The following FUS variants were observed in gnomAD, a reference collection of about 807,000 sequenced individuals.
FUS encodes FUS RNA binding protein.
In FUS, 5 loss-of-function variants were observed where a neutral mutation model predicts 82.7. The ratio of observed to expected loss-of-function variants is 0.06; its 90% CI spans 0.03 to 0.13. The LOEUF is 0.13. Among genes scored for constraint, FUS ranks in the 10% least tolerant of loss-of-function variants. The probability of loss-of-function intolerance (pLI) is 1.00; values close to 1 mark genes in which losing one functional copy is unlikely to be tolerated. For missense variants in FUS, 512 were observed against 707.8 expected (o/e 0.72, Z 3.14); for synonymous variants, 281 against 247.4 (o/e 1.14, Z -1.27).
Position 31,182,400 on chromosome 16 carries a change from T to C in FUS, c.16T>C (p.Tyr6His), listed in dbSNP as rs967554455. The C allele has an allele frequency of 6.2e-7, 1 of 1,614,118 alleles. No individual in the cohort carries two copies. Among genetic ancestry groups the C allele is most frequent in the Admixed American group, 1.7e-5 (1 of 60,014 alleles). MASND[Y>H]TQQATQSYGA... The stretch of plus-strand genomic sequence containing the variant: ...GTGATTGTATTTTTCTTTTGCAGAT[T>C]ATACCCAACAAGCAACCCAAAGGTG... The change falls in exon 2 of 15, where the codon TAT becomes CAT. Residue 6 changes from tyrosine (Y) to histidine (H), a missense_variant and splice_region_variant. Transcript: ENST00000254108.
chr16:31,186,766 A>T (rs754290036), intron 6 of FUS, 36 bp from the exon 7 acceptor site: 5 of 1,609,432 alleles, frequency 3.1e-6, no homozygotes, highest in Non-Finnish European at 4.3e-6. Context: ...AGCCGTTGGA[A>T]GCTTCATGTC....
At chr16:31,194,405 C>G (rs1295852228), downstream of FUS, 14 of 512,698 alleles carry the variant, frequency 2.7e-5, no homozygotes, top group Admixed American at 4.5e-5. Context: ...CTGCCCACCT[C>G]AGCCTCTGGA....
intron 1 of FUS, among the ~76,000 whole-genome samples, chr16:31,182,014 T>TA (rs1237174965): frequency 3.9e-5 from 6 of 152,300 alleles, no homozygotes; most frequent in Middle Eastern, 3.4e-3. Flanking sequence ...TTTTTATTTT[T>TA]TTTTTTGAGA....
At chr16:31,181,292 TTTTC>T (rs1467595277) in intron 1 of FUS, among the ~76,000 whole-genome samples, 29 of 152,358 alleles carry the variant, frequency 1.9e-4, no homozygotes, top group African/African-American at 7.0e-4. Flanking sequence ...CCTCTTTCCC[TTTTC>T]CTGCGGGGGA....
chr16:31,186,819 G>T lies in FUS; in HGVS notation c.782G>T (p.Gly261Val). 1 of 1,614,158 alleles carries T rather than the reference G, an allele frequency of 6.2e-7. No homozygotes were observed. Among genetic ancestry groups the T allele is most frequent in the Non-Finnish European group, 8.5e-7 (1 of 1,179,976 alleles). ...TTCTCCAGCGGAAGTGACCGTGGTG[G>T]CTTCAATAAATTTGGTGGTAAGTGA... is the stretch of plus-strand genomic sequence containing the variant. ...RGGMGGSDRG[G>V]FNKFGGPRDQ... The change falls in exon 7 of 15, where the codon GGC (glycine) becomes GTC (valine). Residue 261 changes from glycine (G) to valine (V), a missense_variant. This residue lies in a region of FUS where 51 missense variants were observed against 72.2 expected (regional missense o/e 0.71). Transcript: ENST00000254108.
rs904375385 is a variant in FUS at position 31,183,795 on chromosome 16, C to T, written c.191-63C>T. ...AGTATAGGTATTATGTTTTCTTTAA[C>T]CCATTCCTTACATTTTCTCTTTCCT... On this transcript the variant is annotated intron_variant, in intron 3 of 14. Transcript: ENST00000254108. 6 of 1,599,280 alleles carry T rather than the reference C, an allele frequency of 3.8e-6. No homozygotes were observed. The African/African-American group carries it at 5.4e-5, about 14-fold the overall frequency.
intron 3 of FUS, chr16:31,182,967 CCAAAGTGCTGGGATTA>C (rs2079203645): frequency 2.5e-6 from 1 of 407,066 alleles, no homozygotes; most frequent in Non-Finnish European, 4.7e-6. Flanking sequence ...CCTTGACCTG[CCAAAGTGCTGGGATTA>C]CAGGCGTCAG....
At chr16:31,187,964 CG>C (rs2079294794) in intron 7 of FUS, 4 of 353,276 alleles carry the variant, frequency 1.1e-5, no homozygotes, top group Non-Finnish European at 2.1e-5. Flanking sequence ...TCTCTTCTCT[CG>C]GGTGAGAGAA....
chr16:31,189,876 CT>C (rs1490207108), intron 10 of FUS, 82 bp downstream of exon 10: 12 of 1,608,182 alleles, frequency 7.5e-6, no homozygotes, highest in Non-Finnish European at 1.0e-5. Flanking sequence ...TTTGAGGGTT[CT>C]TTTGAGTCTT....
chr16:31,187,422 T>G (rs1451120821), intron 7 of FUS: 1 of 234,070 alleles, frequency 4.3e-6, no homozygotes, highest in Admixed American at 5.2e-5. Flanking sequence ...CAAGAAAGAT[T>G]GGAAGCATGT....
chr16:31,180,142 C>CACCGA lies in FUS; in HGVS notation c.-72_-71insCCGAA. ...CTTCGACGCAGGAGGCGGGGCTGCT[C>CACCGA]AGTCCTCCAGGCGTCGGTACTCAGC... is the stretch of plus-strand genomic sequence containing the variant. On this transcript the variant is annotated 5_prime_UTR_variant, in exon 1 of 15. Coordinates refer to ENST00000254108, the MANE Select transcript of FUS (RefSeq NM_004960.4). 6.3e-7 allele frequency: 1 copy of CACCGA among 1,581,180 alleles called. No homozygotes were observed. The highest frequency in any genetic ancestry group is 8.6e-7 in the Non-Finnish European group (1 of 1,162,256).
At chr16:31,191,162 G>A in intron 14 of FUS, 52 bp downstream of exon 14, 2 of 1,601,206 alleles carry the variant, frequency 1.2e-6, no homozygotes, top group South Asian at 1.1e-5. Context: ...AGAGGCCATA[G>A]GATAACAGGG....
At position 31,191,465 on chromosome 16, in the gene FUS, C is replaced by T. The variant is rs756633893; in HGVS notation, c.*27C>T. On this transcript the variant is annotated 3_prime_UTR_variant, in exon 15 of 15. Transcript: ENST00000254108. ...TAGCCTGGCTCCCCAGGTTCTGGAA[C>T]AGCTTTTTGTCCTGTACCCAGTGTT... is the stretch of plus-strand genomic sequence containing the variant. The T allele has an allele frequency of 1.6e-5, 26 of 1,611,632 alleles. No individual in the cohort carries two copies. Among genetic ancestry groups the T allele is most frequent in the Non-Finnish European group, 2.0e-5 (23 of 1,179,002 alleles).
intron 1 of FUS, among the ~76,000 whole-genome samples, chr16:31,181,409 G>A (rs2079175887): frequency 6.6e-6 from 1 of 152,196 alleles, no homozygotes; most frequent in African/African-American, 2.4e-5. Context: ...GCTGGGGGAA[G>A]GCAGGGTAGG....
At chr16:31,194,386 G>A (rs1411841639), downstream of FUS, 2 of 510,094 alleles carry the variant, frequency 3.9e-6, no homozygotes, top group East Asian at 4.2e-5. Context: ...CCTCCCACCC[G>A]CAAGCTATCT....
At chr16:31,191,352 G>C in intron 14 of FUS, 47 bp from the exon 15 acceptor site, 2 of 1,608,832 alleles carry the variant, frequency 1.2e-6, no homozygotes, top group Non-Finnish European at 1.7e-6. Flanking sequence ...GGAGAGGCTG[G>C]TAACTCAAAT....
intron 6 of FUS, 95 bp from the exon 7 acceptor site, chr16:31,186,707 C>A: frequency 8.4e-7 from 1 of 1,189,314 alleles, no homozygotes; most frequent in Non-Finnish European, 1.3e-6. Flanking sequence ...CCAAAAACAC[C>A]TACCCATGTT....
chr16:31,181,950 C>G (rs901958865), intron 1 of FUS, among the ~76,000 whole-genome samples: 1 of 152,116 alleles, frequency 6.6e-6, no homozygotes, highest in Non-Finnish European at 1.5e-5. Context: ...TGTTCCTCTT[C>G]TCAACCAGTG....
In FUS at chr16:31,184,366, A is replaced by AGTGGTG; in HGVS notation, c.498_503dup (p.Gly174_Gly175dup). The AGTGGTG allele has an allele frequency of 1.2e-6, 2 of 1,612,920 alleles. No individual in the cohort carries two copies. The highest frequency in any genetic ancestry group is 1.7e-6 in the Non-Finnish European group (2 of 1,179,364). Reference sequence around the variant, plus strand: ...ACAGCAGAACCAGTACAACAGCAGCAGTGGTGGTGGAGGTGGAGGTGGAGG... The same window carrying AGTGGTG: ...ACAGCAGAACCAGTACAACAGCAGCAGTGGTGGTGGTGGTGGAGGTGGAGGTGGAGG... On this transcript the variant is annotated inframe_insertion, in exon 5 of 15. Transcript: ENST00000254108.
Sources: allele counts gnomAD v4.1 joint callset (sites outside exome capture counted in the v4.1 genomes callset), GRCh38; gene constraint gnomAD v4.1.1; regional missense constraint gnomAD v4.1.1; transcripts MANE v1.5; gene names NCBI Gene and HGNC (gene_info 2026-07-23, HGNC 2026-07-21).